The following DST variants were observed in gnomAD, a reference collection of about 807,000 sequenced individuals.
DST encodes bullous pemphigoid antigen.
Under a neutral mutation model 875.2 loss-of-function variants are expected in DST, and 253 were observed. That is an observed-to-expected ratio of 0.29 (90% CI 0.26 to 0.32). The LOEUF (loss-of-function observed/expected upper bound fraction) is 0.32. Among genes scored for constraint, DST ranks in the 10% least tolerant of loss-of-function variants. The pLI, the probability that DST is intolerant of heterozygous loss-of-function variation, is 1.00. For synonymous variants in DST, 3,124 were observed against 3,197.1 expected (o/e 0.98, Z 0.77); for missense variants, 8,287 against 9,111.6 (o/e 0.91, Z 3.68).
In DST at chr6:56,670,726, C is replaced by T; in HGVS notation, c.1129G>A (p.Glu377Lys). 1.2e-6 allele frequency: 2 copies of T among 1,610,854 alleles called. No homozygotes were observed. Among genetic ancestry groups the T allele is most frequent in the Non-Finnish European group, 1.7e-6 (2 of 1,178,382 alleles). ...RLLLWTQQAT[E>K]GYAGIRCENF... The stretch of plus-strand genomic sequence containing the variant: ...TCACACCGAATTCCAGCATAACCCT[C>T]TGTTGCCTGCTGCGTCCAGAGTAGC... Residue 377 changes from glutamate to lysine, a missense_variant, in exon 10 of 104, where the codon GAG (glutamate) becomes AAG (lysine). Transcript: ENST00000680361.
At chr6:56,624,344 G>A in intron 36 of DST, 186 bp downstream of exon 36, 4 of 681,312 alleles carry the variant, frequency 5.9e-6, no homozygotes, top group Middle Eastern at 2.6e-4. Context: ...GAATCTTAAA[G>A]ACAAACAAAA....
Position 56,618,083 on chromosome 6 carries a change from T to C in DST, c.4930-3599A>G, listed in dbSNP as rs1461324464. 6.2e-7 allele frequency: 1 copy of C among 1,614,164 alleles called. No homozygotes were observed. The highest frequency in any genetic ancestry group is 8.5e-7 in the Non-Finnish European group (1 of 1,180,012). On this transcript the variant is annotated intron_variant, in intron 36 of 103. Transcript: ENST00000680361. Reference sequence around the variant, plus strand: ...ATTGTTCAGGGCTTGGTCTCTTATCTTCTCAATTTCAGACAGTCTTGTAAT... The same window carrying C: ...ATTGTTCAGGGCTTGGTCTCTTATCCTCTCAATTTCAGACAGTCTTGTAAT...
intron 2 of DST, among the ~76,000 whole-genome samples, chr6:56,936,676 G>C (rs1318245105): frequency 6.6e-6 from 1 of 152,034 alleles, no homozygotes. Context: ...ACAGAAGTGT[G>C]CAACAGGACA....
intron 3 of DST, among the ~76,000 whole-genome samples, chr6:56,892,470 G>A (rs1381884713): frequency 6.6e-6 from 1 of 151,758 alleles, no homozygotes; most frequent in Non-Finnish European, 1.5e-5. Context: ...CTACAGGCGT[G>A]CACCACCATG....
At chr6:56,532,302 C>T (rs138423073) in intron 64 of DST, 42 bp downstream of exon 64, 2 of 1,570,738 alleles carry the variant, frequency 1.3e-6, no homozygotes, top group African/African-American at 1.4e-5. Context: ...TAGACAGAGG[C>T]CACTGCTACT....
chr6:56,633,120 T>C lies in DST; in HGVS notation c.3622-83A>G, dbSNP rs2098795046. ...GACACTTCAAACTGGTCGTGTGGTA[T>C]ATGCCAATCTAAACGAATAATCATA... On this transcript the variant is annotated intron_variant, in intron 27 of 103. Coordinates refer to ENST00000680361, the MANE Select transcript of DST (RefSeq NM_001374736.1). 6 of 1,047,460 alleles carry C rather than the reference T, an allele frequency of 5.7e-6. No individual in the cohort carries two copies. In the South Asian group the frequency reaches 7.7e-5, roughly 13 times the overall value. The allele number at this position is 1,047,460 out of a possible 1,614,324, so 64.9% of individuals were successfully genotyped here.
intron 4 of DST, among the ~76,000 whole-genome samples, chr6:56,782,480 A>G (rs1181070436): frequency 6.6e-6 from 1 of 152,008 alleles, no homozygotes; most frequent in Non-Finnish European, 1.5e-5. Flanking sequence ...GAATTTATCC[A>G]TTTCTTCTAG....
intron 4 of DST, among the ~76,000 whole-genome samples, chr6:56,764,457 A>C (rs959629350): frequency 6.6e-5 from 10 of 152,080 alleles, no homozygotes; most frequent in Admixed American, 2.0e-4. Flanking sequence ...GTAGCCTGGG[A>C]TCCCCTGGCT....
Position 56,605,450 on chromosome 6 carries a change from C to T in DST, c.9178G>A (p.Val3060Met). The T allele has an allele frequency of 6.2e-7, 1 of 1,612,936 alleles. No homozygotes were observed. Among genetic ancestry groups the T allele is most frequent in the Non-Finnish European group, 8.5e-7 (1 of 1,179,274 alleles). ...TCTTCTACTAGACCTTCTACAAGCA[C>T]TTCTCCTTCACCCAAGTACATTTTC... ...IQKMYLGEGE[V>M]LVEGLVEEEN... The change falls in exon 40 of 104, where the codon GTG becomes ATG. Residue 3060 changes from valine (V) to methionine (M), a missense_variant. Physicochemically the swap from Val to Met is conservative, Grantham distance 21. Coordinates refer to ENST00000680361, the MANE Select transcript of DST (RefSeq NM_001374736.1).
chr6:56,515,120 C>T (rs910862129), intron 72 of DST, among the ~76,000 whole-genome samples: 35 of 152,142 alleles, frequency 2.3e-4, no homozygotes, highest in African/African-American at 7.7e-4. Context: ...AAATTTAAAA[C>T]AATTCAATGT....
intron 13 of DST, 33 bp from the exon 14 acceptor site, chr6:56,646,215 A>C: frequency 1.6e-6 from 2 of 1,218,304 alleles, no homozygotes; most frequent in Non-Finnish European, 2.3e-6. Context: ...TTAAGGACCA[A>C]ACTTAAAAGA....
At chr6:56,819,539 T>C (rs965896472) in intron 4 of DST, among the ~76,000 whole-genome samples, 2 of 152,210 alleles carry the variant, frequency 1.3e-5, no homozygotes, top group Admixed American at 6.5e-5. Flanking sequence ...TCATCCTTGT[T>C]TGAACTTAGG....
At chr6:56,500,469 A>G (rs938116646) in intron 80 of DST, among the ~76,000 whole-genome samples, 4 of 152,158 alleles carry the variant, frequency 2.6e-5, no homozygotes, top group African/African-American at 9.6e-5. Context: ...TGCAGGACAT[A>G]TAACAACTTT....
At position 56,697,970 on chromosome 6, in the gene DST, C is replaced by CT. The variant is rs200060529; in HGVS notation, c.1047+1682dup. 6.4e-4 allele frequency among the ~76,000 whole-genome samples: 98 copies of CT among 152,292 alleles called. 1 individual carries two copies. The East Asian group carries it at 0.018, about 28-fold the overall frequency. On this transcript the variant is annotated intron_variant, in intron 9 of 103. Transcript: ENST00000680361. ...GCTTCATGCCAAATTATTGCCTTCACTTAGGTTCAATATCTTTGATTCCAG... is the reference window on the plus strand; with the variant it reads ...GCTTCATGCCAAATTATTGCCTTCACTTTAGGTTCAATATCTTTGATTCCAG...
intron 100 of DST, 81 bp downstream of exon 100, chr6:56,464,604 A>G: frequency 9.5e-7 from 1 of 1,055,254 alleles, no homozygotes; most frequent in Non-Finnish European, 1.4e-6. Flanking sequence ...ATGTTATTTT[A>G]AAACAAATGA....
At chr6:56,913,107 A>T (rs528553312) in intron 2 of DST, among the ~76,000 whole-genome samples, 1 of 152,352 alleles carries the variant, frequency 6.6e-6, no homozygotes, top group Non-Finnish European at 1.5e-5. Context: ...ATAGCCAAAC[A>T]GAATCTGAGT....
intron 2 of DST, among the ~76,000 whole-genome samples, chr6:56,922,124 C>G (rs552174771): frequency 3.7e-4 from 56 of 152,264 alleles, no homozygotes; most frequent in African/African-American, 1.3e-3. Context: ...TGCACTGATT[C>G]AGTTAGCACT....
chr6:56,937,346 A>C (rs1425148598), intron 2 of DST, among the ~76,000 whole-genome samples: 1 of 152,222 alleles, frequency 6.6e-6, no homozygotes, highest in African/African-American at 2.4e-5. Context: ...TCAATTTTAC[A>C]ATGGACAAAA....
intron 4 of DST, among the ~76,000 whole-genome samples, chr6:56,824,964 C>G (rs1477900152): frequency 6.6e-6 from 1 of 150,658 alleles, no homozygotes; most frequent in Non-Finnish European, 1.5e-5. Flanking sequence ...AGTGAGGAGC[C>G]CCTCTGCCCG....
Sources: gnomAD v4.1 joint callset for allele counts (sites outside exome capture counted in the v4.1 genomes callset) on GRCh38, gnomAD v4.1.1 for gene constraint, MANE v1.5 for transcripts, NCBI Gene and HGNC (gene_info 2026-07-23, HGNC 2026-07-21) for gene names.